Variants in CACNA1E observed in about 807,000 individuals in gnomAD.
CACNA1E encodes calcium voltage-gated channel subunit alpha1 E, also known as voltage-dependent R-type calcium channel subunit alpha-1E.
A neutral mutation model predicts 259.2 loss-of-function variants in CACNA1E; 40 were observed. The ratio of observed to expected loss-of-function variants is 0.15; its 90% CI spans 0.12 to 0.20. The LOEUF is 0.20. Among genes scored for constraint, CACNA1E ranks in the 10% least tolerant of loss-of-function variants. CACNA1E has a pLI of 1.00. For synonymous variants in CACNA1E, 1,104 were observed against 1,138.5 expected, an observed-to-expected ratio of 0.97 and a Z score of 0.61; for missense variants, 1,874 against 3,040.1, an observed-to-expected ratio of 0.62 and a Z score of 9.02.
chr1:181,775,214 C>A (rs543642699), intron 37 of CACNA1E, among the ~76,000 whole-genome samples: 8 of 152,230 alleles, frequency 5.3e-5, no homozygotes, highest in African/African-American at 1.7e-4. Context: ...GGTTTAATGA[C>A]TAGTTGAGGC....
intron 1 of CACNA1E, among the ~76,000 whole-genome samples, chr1:181,388,833 G>A (rs1656045573): frequency 6.6e-6 from 1 of 151,906 alleles, no homozygotes; most frequent in East Asian, 1.9e-4. Context: ...GGAGGTTGCA[G>A]TAAGCCAAGA....
intron 1 of CACNA1E, among the ~76,000 whole-genome samples, chr1:181,379,792 A>G (rs1282153417): frequency 6.6e-6 from 1 of 152,120 alleles, no homozygotes; most frequent in South Asian, 2.1e-4. Context: ...GGGGACAGGA[A>G]CATTTAGATC....
chr1:181,662,774 A>G (rs2102144963), intron 7 of CACNA1E, among the ~76,000 whole-genome samples: 1 of 152,304 alleles, frequency 6.6e-6, no homozygotes, highest in South Asian at 2.1e-4. Context: ...GCATGAGCTC[A>G]GATGTTTTCA....
intron 2 of CACNA1E, among the ~76,000 whole-genome samples, chr1:181,443,623 C>G (rs1660634624): frequency 6.6e-6 from 1 of 152,206 alleles, no homozygotes; most frequent in African/African-American, 2.4e-5. Context: ...GCTATAAAGA[C>G]ACACAGGTTC....
chr1:181,800,157 G>A lies in CACNA1E; in HGVS notation c.*1323G>A, dbSNP rs1332620128. ...ACCGCAGATTCTGCAGCTGGTGTGG[G>A]GTTCAGGTCAGTTTGTCAGGATGCT... On this transcript the variant is annotated 3_prime_UTR_variant, in exon 48 of 48. Transcript: ENST00000367573. The A allele has an allele frequency of 2.6e-5, 4 of 152,794 alleles. No homozygotes were observed. The highest frequency in any genetic ancestry group is 9.6e-5 in the African/African-American group (4 of 41,468). 9.5% of individuals were successfully genotyped at this position (152,794 alleles called of 1,614,324 possible). A position where few individuals can be genotyped will look rare whatever the true frequency, so the allele number is the denominator to read the frequency against.
At chr1:181,328,454 C>T (rs1014018480) in intron 1 of CACNA1E, among the ~76,000 whole-genome samples, 1 of 152,178 alleles carries the variant, frequency 6.6e-6, no homozygotes, top group South Asian at 2.1e-4. Flanking sequence ...AGTGAGCAAG[C>T]CTTTTTCAGT....
intron 1 of CACNA1E, among the ~76,000 whole-genome samples, chr1:181,319,461 C>T (rs985744373): frequency 2.4e-4 from 37 of 152,266 alleles, no homozygotes; most frequent in African/African-American, 8.9e-4. Context: ...ATAGAACTTC[C>T]ACTGTAAATA....
chr1:181,595,043 C>T (rs1039006489), intron 6 of CACNA1E, among the ~76,000 whole-genome samples: 2 of 152,148 alleles, frequency 1.3e-5, no homozygotes, highest in East Asian at 1.9e-4. Context: ...AAAGGTAGAA[C>T]GTATATTCAA....
At chr1:181,690,978 C>A (rs990668920) in intron 7 of CACNA1E, among the ~76,000 whole-genome samples, 7 of 151,986 alleles carry the variant, frequency 4.6e-5, no homozygotes, top group Admixed American at 4.6e-4. Context: ...TTTTAGCTAT[C>A]CTGCTTTTAT....
At chr1:181,429,424 GCT>G (rs1184073100) in intron 2 of CACNA1E, among the ~76,000 whole-genome samples, 20 of 152,156 alleles carry the variant, frequency 1.3e-4, no homozygotes, top group African/African-American at 4.8e-4. Flanking sequence ...CACAGTGGAG[GCT>G]CTGAGTCTTT....
intron 7 of CACNA1E, among the ~76,000 whole-genome samples, chr1:181,674,802 C>G (rs1649206472): frequency 6.6e-6 from 1 of 152,198 alleles, no homozygotes; most frequent in Non-Finnish European, 1.5e-5. Context: ...CCTCTAGCAG[C>G]TCTGTGGACC....
At chr1:181,647,371 C>G (rs573015051) in intron 6 of CACNA1E, among the ~76,000 whole-genome samples, 5 of 152,274 alleles carry the variant, frequency 3.3e-5, no homozygotes, top group Admixed American at 6.5e-5. Flanking sequence ...GCAAGTCTTA[C>G]ATGAAAGGAG....
rs149330086 is a variant in CACNA1E at position 181,760,352 on chromosome 1, T to G, written c.4605+1484T>G. On this transcript the variant is annotated intron_variant, in intron 32 of 47. Transcript: ENST00000367573. ...AAGTCTTTACATTGTTAAGGCACTC[T>G]AAGCTTTCAGAATATTGTAATATAT... 3.3e-5 allele frequency among the ~76,000 whole-genome samples: 5 copies of G among 152,354 alleles called. No homozygotes were observed. In the East Asian group the frequency reaches 7.7e-4, roughly 23 times the overall value.
At chr1:181,382,661 C>G (rs1228973028) in intron 1 of CACNA1E, among the ~76,000 whole-genome samples, 1 of 152,212 alleles carries the variant, frequency 6.6e-6, no homozygotes, top group Non-Finnish European at 1.5e-5. Flanking sequence ...TTATTTTCCA[C>G]TCTGCTCTGT....
At chr1:181,554,629 A>G (rs1233852986) in intron 3 of CACNA1E, among the ~76,000 whole-genome samples, 2 of 152,232 alleles carry the variant, frequency 1.3e-5, no homozygotes. Context: ...AGCCTGTGCC[A>G]GGCACTGAGC....
intron 6 of CACNA1E, among the ~76,000 whole-genome samples, chr1:181,621,780 A>G (rs891511617): frequency 1.3e-5 from 2 of 152,136 alleles, no homozygotes; most frequent in African/African-American, 2.4e-5. Flanking sequence ...TTCAATTTCA[A>G]TGAGGAAACC....
At chr1:181,380,191 G>T (rs538028479) in intron 1 of CACNA1E, among the ~76,000 whole-genome samples, 1 of 151,560 alleles carries the variant, frequency 6.6e-6, no homozygotes, top group African/African-American at 2.4e-5. Flanking sequence ...AATAAATACC[G>T]CACTTGAAAG....
intron 24 of CACNA1E, among the ~76,000 whole-genome samples, 178 bp from the exon 25 acceptor site, chr1:181,738,969 C>G (rs570942547): frequency 2.0e-5 from 3 of 152,284 alleles, no homozygotes; most frequent in East Asian, 3.9e-4. Context: ...AGATGGGGGC[C>G]TCAGGACTCA....
At chr1:181,599,618 G>T (rs190768300) in intron 6 of CACNA1E, among the ~76,000 whole-genome samples, 13 of 152,290 alleles carry the variant, frequency 8.5e-5, no homozygotes, top group African/African-American at 2.9e-4. Context: ...AAACTCTGTA[G>T]GTGCAGGGAT....
Sources: allele counts gnomAD v4.1 joint callset (sites outside exome capture counted in the v4.1 genomes callset), GRCh38; gene constraint gnomAD v4.1.1; transcripts MANE v1.5; gene names NCBI Gene and HGNC (gene_info 2026-07-23, HGNC 2026-07-21).